The following FHIT variants were observed in gnomAD, a reference collection of about 807,000 sequenced individuals.
FHIT encodes the protein fragile histidine triad diadenosine triphosphatase.
In FHIT, 19 loss-of-function variants were observed where a neutral mutation model predicts 17.9. That is an observed-to-expected ratio of 1.06 (90% CI 0.74 to 1.56). The LOEUF is 1.56. Among genes scored for constraint, FHIT ranks in the 40% most tolerant of loss-of-function variants. FHIT has a pLI of 0.00. For synonymous variants in FHIT, 81 were observed against 69.7 expected (o/e 1.16, Z -0.81); for missense variants, 248 against 189.2 (o/e 1.31, Z -1.82).
intron 5 of FHIT, among the ~76,000 whole-genome samples, chr3:60,435,979 G>T (rs774407045): frequency 7.2e-5 from 11 of 152,060 alleles, no homozygotes; most frequent in Non-Finnish European, 1.5e-4. Flanking sequence ...TCCCTGCAAA[G>T]GACATGATCT....
intron 5 of FHIT, among the ~76,000 whole-genome samples, chr3:60,219,669 C>T (rs1703868804): frequency 6.6e-6 from 1 of 152,046 alleles, no homozygotes; most frequent in Non-Finnish European, 1.5e-5. Flanking sequence ...TCCCTGTCCC[C>T]CTTCATTAAT....
At chr3:61,110,656 A>G (rs2036131827) in intron 2 of FHIT, among the ~76,000 whole-genome samples, 1 of 152,130 alleles carries the variant, frequency 6.6e-6, no homozygotes, top group Non-Finnish European at 1.5e-5. Flanking sequence ...GAGCAGGCTG[A>G]CCAACTCTTT....
At chr3:59,814,496 T>C (rs760653702) in intron 8 of FHIT, among the ~76,000 whole-genome samples, 1 of 152,188 alleles carries the variant, frequency 6.6e-6, no homozygotes, top group Non-Finnish European at 1.5e-5. Context: ...TGTCTATATT[T>C]AAGAAGTTCA....
At chr3:60,160,830 G>C (rs1052659345) in intron 5 of FHIT, among the ~76,000 whole-genome samples, 2 of 45,154 alleles carry the variant, frequency 4.4e-5, no homozygotes, top group Non-Finnish European at 1.1e-4. Context: ...GAGTGTGACA[G>C]AGAGAGAGAG....
chr3:60,562,247 G>C (rs2107645998), intron 4 of FHIT, among the ~76,000 whole-genome samples: 1 of 152,264 alleles, frequency 6.6e-6, no homozygotes, highest in Non-Finnish European at 1.5e-5. Flanking sequence ...GTTACGGAAA[G>C]ACAGCAGTGA....
intron 2 of FHIT, among the ~76,000 whole-genome samples, chr3:61,069,464 C>T (rs1038333754): frequency 2.0e-5 from 3 of 152,136 alleles, no homozygotes; most frequent in Non-Finnish European, 4.4e-5. Context: ...AACGTGTAGC[C>T]ATGATTAAGG....
rs142423824 is a variant in FHIT, at chr3:60,829,386, T to C, written c.-110-7375A>G. Among the ~76,000 whole-genome samples the C allele has an allele frequency of 1.5e-4, 23 of 152,316 alleles. No homozygotes were observed. In the East Asian group the frequency reaches 4.4e-3, roughly 29 times the overall value. On this transcript the variant is annotated intron_variant, in intron 3 of 9. Transcript: ENST00000492590. ...TATGCCAAATAATTCCCTTTCTTCT[T>C]AGTTGCTGGATATCTACAACCAAAT...
At chr3:60,325,488 A>C (rs1256427198) in intron 5 of FHIT, among the ~76,000 whole-genome samples, 1 of 152,218 alleles carries the variant, frequency 6.6e-6, no homozygotes, top group Non-Finnish European at 1.5e-5. Context: ...GTTTTTTAGA[A>C]ATGTAATTAA....
At chr3:60,342,869 G>A (rs6800393) in intron 5 of FHIT, among the ~76,000 whole-genome samples, 24,156 of 152,056 alleles carry the variant, frequency 0.16, 2,019 homozygotes, top group African/African-American at 0.18. Flanking sequence ...CTATCATAGA[G>A]GATCTCTCAT....
intron 4 of FHIT, among the ~76,000 whole-genome samples, chr3:60,542,642 T>C (rs148707362): frequency 7.2e-5 from 11 of 152,264 alleles, no homozygotes; most frequent in African/African-American, 2.4e-4. Flanking sequence ...TTTTGTAGAG[T>C]CCCTTGTATA....
intron 5 of FHIT, among the ~76,000 whole-genome samples, chr3:60,106,993 A>G (rs973778593): frequency 3.9e-5 from 6 of 152,194 alleles, no homozygotes; most frequent in African/African-American, 1.4e-4. Flanking sequence ...TATAATTAAG[A>G]AAAGATCAGT....
chr3:59,943,737 C>T (rs1706654649), intron 7 of FHIT, among the ~76,000 whole-genome samples: 1 of 152,164 alleles, frequency 6.6e-6, no homozygotes, highest in Non-Finnish European at 1.5e-5. Flanking sequence ...ATCATTCCTT[C>T]ATCATACTCA....
intron 4 of FHIT, among the ~76,000 whole-genome samples, chr3:60,648,582 G>T (rs573930715): frequency 1.6e-3 from 241 of 152,290 alleles, no homozygotes; most frequent in Non-Finnish European, 2.5e-3. Flanking sequence ...CAGGTAAACA[G>T]GAAGGGGGGC....
At chr3:60,305,552 T>C (rs1246888099) in intron 5 of FHIT, among the ~76,000 whole-genome samples, 2 of 152,240 alleles carry the variant, frequency 1.3e-5, no homozygotes, top group East Asian at 3.9e-4. Flanking sequence ...TCTCCATCCA[T>C]CAAGGGCTTC....
At chr3:61,138,539 C>G (rs1329077746) in intron 2 of FHIT, among the ~76,000 whole-genome samples, 4 of 152,216 alleles carry the variant, frequency 2.6e-5, no homozygotes, top group Admixed American at 6.5e-5. Flanking sequence ...TAAGGGAGCT[C>G]CACACACTGG....
At chr3:60,861,173 C>CATATATATCATAGAACA (rs1326715427) in intron 3 of FHIT, among the ~76,000 whole-genome samples, 1 of 1,184 alleles carries the variant, frequency 8.4e-4, no homozygotes, top group Non-Finnish European at 3.2e-3. Flanking sequence ...ATCATATGTT[C>CATATATATCATAGAACA]TATGATATAT....
At chr3:60,518,418 G>C (rs2035237794) in intron 5 of FHIT, among the ~76,000 whole-genome samples, 1 of 152,184 alleles carries the variant, frequency 6.6e-6, no homozygotes, top group African/African-American at 2.4e-5. Context: ...TAAACAGTGA[G>C]ATATGTAAAA....
chr3:61,073,909 CA>C (rs757409753), intron 2 of FHIT, among the ~76,000 whole-genome samples: 23 of 152,132 alleles, frequency 1.5e-4, no homozygotes, highest in Non-Finnish European at 2.9e-4. Flanking sequence ...TGAATAGGGT[CA>C]AAGTAGTTAA....
At chr3:60,563,816 G>A in intron 4 of FHIT, among the ~76,000 whole-genome samples, 1 of 152,208 alleles carries the variant, frequency 6.6e-6, no homozygotes, top group Non-Finnish European at 1.5e-5. Context: ...GAGGTTCAAG[G>A]AAAGAAGCCA....
Sources: allele counts gnomAD v4.1 joint callset (sites outside exome capture counted in the v4.1 genomes callset), GRCh38; gene constraint gnomAD v4.1.1; transcripts MANE v1.5; gene names NCBI Gene and HGNC (gene_info 2026-07-23, HGNC 2026-07-21).